Variants in FRY observed in about 807,000 individuals in gnomAD.
FRY encodes FRY microtubule binding protein, also known as protein furry homolog.
Under a neutral mutation model 348.4 loss-of-function variants are expected in FRY, and 128 were observed. The observed-to-expected ratio is 0.37, with a 90% CI of 0.32 to 0.43. The LOEUF (loss-of-function observed/expected upper bound fraction) is 0.43. FRY is among the 20% of genes least tolerant of loss of function. The pLI, the probability that FRY is intolerant of heterozygous loss-of-function variation, is 1.00. For synonymous variants in FRY, 1,370 were observed against 1,374.7 expected, an observed-to-expected ratio of 1.00 and a Z score of 0.08; for missense variants, 2,736 against 3,695.2, an observed-to-expected ratio of 0.74 and a Z score of 6.73.
chr13:32,138,888 G>A (rs2066909), intron 11 of FRY, among the ~76,000 whole-genome samples: 3,568 of 152,284 alleles, frequency 0.023, 59 homozygotes, highest in Non-Finnish European at 0.035. Context: ...GACAGTGAAG[G>A]ATGTAAAAGG....
intron 2 of FRY, among the ~76,000 whole-genome samples, chr13:32,087,011 A>G (rs561069021): frequency 8.1e-4 from 123 of 152,328 alleles, no homozygotes; most frequent in South Asian, 6.4e-3. Flanking sequence ...GTGATAATTC[A>G]TAAAGGTGCT....
At chr13:32,153,308 C>T (rs766965400) in intron 14 of FRY, among the ~76,000 whole-genome samples, 6 of 152,062 alleles carry the variant, frequency 3.9e-5, no homozygotes, top group East Asian at 1.9e-4. Flanking sequence ...GTCCAAACCC[C>T]GGTGAATGAC....
At chr13:32,246,225 C>T (rs1886788803) in intron 47 of FRY, among the ~76,000 whole-genome samples, 1 of 152,286 alleles carries the variant, frequency 6.6e-6, no homozygotes, top group Non-Finnish European at 1.5e-5. Flanking sequence ...GCTTCCCTTG[C>T]GCAGAATTTA....
At chr13:32,263,860 T>A (rs1887792700) in intron 53 of FRY, among the ~76,000 whole-genome samples, 2 of 152,002 alleles carry the variant, frequency 1.3e-5, no homozygotes, top group African/African-American at 4.8e-5. Context: ...CACAAAAAAA[T>A]TAACCGGTCA....
intron 58 of FRY, among the ~76,000 whole-genome samples, chr13:32,287,423 A>G (rs933580452): frequency 6.6e-6 from 1 of 152,250 alleles, no homozygotes; most frequent in Non-Finnish European, 1.5e-5. Context: ...AACTGAACAT[A>G]TTAAAGACTC....
chr13:32,079,600 CAT>C (rs1875344052), intron 2 of FRY, among the ~76,000 whole-genome samples: 1 of 152,168 alleles, frequency 6.6e-6, no homozygotes, highest in African/African-American at 2.4e-5. Flanking sequence ...TCATTAGACA[CAT>C]GATGCCCTTG....
At chr13:32,288,489 TA>T (rs1889181528) in intron 58 of FRY, among the ~76,000 whole-genome samples, 1 of 152,218 alleles carries the variant, frequency 6.6e-6, no homozygotes, top group African/African-American at 2.4e-5. Flanking sequence ...GCGTGAATTT[TA>T]GTAACTTTTA....
At chr13:32,189,643 T>C (rs1239478299) in intron 28 of FRY, among the ~76,000 whole-genome samples, 1 of 152,060 alleles carries the variant, frequency 6.6e-6, no homozygotes, top group Admixed American at 6.6e-5. Flanking sequence ...AGAGTGACTT[T>C]CTTTAAAGTG....
intron 18 of FRY, among the ~76,000 whole-genome samples, chr13:32,172,554 T>C (rs1423271479): frequency 6.6e-6 from 1 of 151,812 alleles, no homozygotes; most frequent in Non-Finnish European, 1.5e-5. Context: ...TGAGGAGGAG[T>C]GTTGTCAGAG....
At chr13:32,033,970 A>G (rs919235709) in intron 1 of FRY, among the ~76,000 whole-genome samples, 1 of 152,254 alleles carries the variant, frequency 6.6e-6, no homozygotes, top group Non-Finnish European at 1.5e-5. Flanking sequence ...AAGTAGAAAC[A>G]GAAGCCCTAA....
At chr13:32,069,357 A>G (rs1349288127) in intron 1 of FRY, among the ~76,000 whole-genome samples, 1 of 152,216 alleles carries the variant, frequency 6.6e-6, no homozygotes, top group Non-Finnish European at 1.5e-5. Flanking sequence ...TCCGGAAAGT[A>G]TACAACTATT....
chr13:32,047,021 T>C (rs183261101), intron 1 of FRY, among the ~76,000 whole-genome samples: 90 of 152,328 alleles, frequency 5.9e-4, no homozygotes, highest in African/African-American at 2.0e-3. Context: ...CTCTACCTGA[T>C]GTGTATGAGC....
intron 22 of FRY, 74 bp from the exon 23 acceptor site, chr13:32,179,601 G>T: frequency 6.8e-7 from 1 of 1,479,504 alleles, no homozygotes; most frequent in Non-Finnish European, 9.4e-7. Flanking sequence ...CTGTTATAAT[G>T]GGATCATCCT....
At chr13:32,124,025 A>T (rs1566084049) in intron 4 of FRY, among the ~76,000 whole-genome samples, 1 of 152,128 alleles carries the variant, frequency 6.6e-6, no homozygotes. Context: ...TTTAGCAGGG[A>T]CGGGGTTTCA....
chr13:32,070,311 G>C (rs965795848), intron 1 of FRY, among the ~76,000 whole-genome samples: 1 of 152,132 alleles, frequency 6.6e-6, no homozygotes, highest in Admixed American at 6.5e-5. Flanking sequence ...CCAAATGGTT[G>C]AACTAATTTA....
At chr13:32,152,220 T>C (rs1880840277) in intron 14 of FRY, among the ~76,000 whole-genome samples, 1 of 152,136 alleles carries the variant, frequency 6.6e-6, no homozygotes, top group African/African-American at 2.4e-5. Context: ...TCAATAATAA[T>C]AAACCCAATT....
At chr13:32,083,708 T>C (rs2138551767) in intron 2 of FRY, among the ~76,000 whole-genome samples, 1 of 152,304 alleles carries the variant, frequency 6.6e-6, no homozygotes, top group South Asian at 2.1e-4. Context: ...GGTTTCAAAT[T>C]CTTGGATGTG....
At chr13:32,291,865 CTAGAAT>C (rs758760030) in intron 59 of FRY, 2 of 347,152 alleles carry the variant, frequency 5.8e-6, no homozygotes, top group Non-Finnish European at 1.2e-5. Flanking sequence ...AGCAAGAGAA[CTAGAAT>C]TAGAAGTAGA....
At chr13:32,227,952 A>G (rs553475735) in intron 39 of FRY, among the ~76,000 whole-genome samples, 110 of 152,226 alleles carry the variant, frequency 7.2e-4, no homozygotes, top group Admixed American at 2.2e-3. Flanking sequence ...GGGTTTCACC[A>G]TGCTAGCCAG....
Sources: allele counts gnomAD v4.1 joint callset (sites outside exome capture counted in the v4.1 genomes callset), GRCh38; gene constraint gnomAD v4.1.1; transcripts MANE v1.5; gene names NCBI Gene and HGNC (gene_info 2026-07-23, HGNC 2026-07-21).